Variants in ZFHX3 observed in about 807,000 individuals in gnomAD.
The protein encoded by ZFHX3 is zinc finger homeobox 3, also known as zinc finger homeobox protein 3.
Under a neutral mutation model 279.1 loss-of-function variants are expected in ZFHX3, and 42 were observed. That is an observed-to-expected ratio of 0.15 (90% confidence interval 0.12 to 0.19). The LOEUF (loss-of-function observed/expected upper bound fraction) is 0.19, where lower values mean the gene tolerates loss of function less well. Among genes scored for constraint, ZFHX3 ranks in the 10% least tolerant of loss-of-function variants. The pLI is 1.00. For synonymous variants in ZFHX3, 2,293 were observed against 1,957.8 expected, an observed-to-expected ratio of 1.17 and a Z score of -4.52; for missense variants, 4,981 against 4,754.0, an observed-to-expected ratio of 1.05 and a Z score of -1.40.
chr16:73,595,586 T>C (rs2052040271), intron 2 of ZFHX3, among the ~76,000 whole-genome samples: 2 of 152,222 alleles, frequency 1.3e-5, no homozygotes, highest in African/African-American at 2.4e-5. Context: ...ATTCACACTC[T>C]CTGGGTGTGA....
chr16:73,635,575 T>G (rs1477066928), intron 2 of ZFHX3, among the ~76,000 whole-genome samples: 1 of 152,096 alleles, frequency 6.6e-6, no homozygotes, highest in African/African-American at 2.4e-5. Flanking sequence ...AGAAAAATAT[T>G]TCCTCTTTTT....
intron 2 of ZFHX3, among the ~76,000 whole-genome samples, chr16:73,541,699 G>T (rs1049649166): frequency 6.6e-6 from 1 of 151,154 alleles, no homozygotes; most frequent in Non-Finnish European, 1.5e-5. Flanking sequence ...GAGGCGGCTC[G>T]CGAGGCAAAT....
intron 1 of ZFHX3, among the ~76,000 whole-genome samples, chr16:73,776,447 A>G (rs1959245976): frequency 6.6e-6 from 1 of 152,204 alleles, no homozygotes; most frequent in African/African-American, 2.4e-5. Flanking sequence ...CAGAAATCAA[A>G]TAATTTAGAT....
chr16:73,266,527 C>A (rs1487714922), intron 4 of ZFHX3, among the ~76,000 whole-genome samples: 2 of 152,130 alleles, frequency 1.3e-5, no homozygotes, highest in African/African-American at 4.8e-5. Context: ...TAATATTCAT[C>A]CACATGTCTC....
At chr16:73,511,436 A>G (rs573542340) in intron 2 of ZFHX3, among the ~76,000 whole-genome samples, 2 of 152,256 alleles carry the variant, frequency 1.3e-5, no homozygotes, top group South Asian at 4.1e-4. Context: ...CAGTCCTAAG[A>G]TCCTCACCTG....
chr16:73,557,347 G>A (rs932571720), intron 2 of ZFHX3, among the ~76,000 whole-genome samples: 8 of 152,006 alleles, frequency 5.3e-5, no homozygotes, highest in African/African-American at 1.4e-4. Context: ...AAACTAGTCC[G>A]GACCCAGACC....
intron 7 of ZFHX3, among the ~76,000 whole-genome samples, chr16:73,105,364 T>TACACACATATATATACACAC (rs1966284352): frequency 1.3e-5 from 1 of 76,906 alleles, no homozygotes. Flanking sequence ...CACATATATA[T>TACACACATATATATACACAC]ACACACATAT....
intron 1 of ZFHX3, among the ~76,000 whole-genome samples, chr16:72,985,618 T>TA (rs1424069621): frequency 7.9e-5 from 12 of 152,218 alleles, no homozygotes; most frequent in African/African-American, 2.9e-4. Flanking sequence ...ATTGTTTTAA[T>TA]ACACTGTCTC....
intron 1 of ZFHX3, among the ~76,000 whole-genome samples, chr16:73,810,336 G>A (rs1960393667): frequency 1.3e-5 from 2 of 151,902 alleles, no homozygotes; most frequent in African/African-American, 4.8e-5. Context: ...TCTCTTTCAG[G>A]GAAGATCAAA....
intron 1 of ZFHX3, among the ~76,000 whole-genome samples, chr16:73,036,665 G>T (rs768092330): frequency 6.6e-6 from 1 of 152,044 alleles, no homozygotes; most frequent in African/African-American, 2.4e-5. Context: ...GGGACTGGGT[G>T]TATCAGGGGA....
intron 1 of ZFHX3, among the ~76,000 whole-genome samples, chr16:73,731,200 A>G (rs1368171504): frequency 6.6e-6 from 1 of 152,228 alleles, no homozygotes; most frequent in Non-Finnish European, 1.5e-5. Flanking sequence ...CAGAAGGAAT[A>G]AAGAGAGAAA....
intron 1 of ZFHX3, among the ~76,000 whole-genome samples, chr16:73,002,622 T>G (rs1280757517): frequency 6.6e-6 from 1 of 152,210 alleles, no homozygotes; most frequent in Middle Eastern, 3.2e-3. Context: ...TGCAGATCAC[T>G]AAGACTTCCA....
At chr16:73,342,915 A>G (rs1255323877) in intron 3 of ZFHX3, among the ~76,000 whole-genome samples, 1 of 152,218 alleles carries the variant, frequency 6.6e-6, no homozygotes, top group African/African-American at 2.4e-5. Flanking sequence ...GAACTGGCCC[A>G]AGTGACCTTC....
chr16:73,039,346 G>A (rs1265558916), intron 1 of ZFHX3, among the ~76,000 whole-genome samples: 1 of 152,168 alleles, frequency 6.6e-6, no homozygotes, highest in South Asian at 2.1e-4. Context: ...CATACGCAGA[G>A]GCTGCTCAAC....
chr16:73,105,364 TACACAC>T (rs757763881), intron 7 of ZFHX3, among the ~76,000 whole-genome samples: 7 of 76,906 alleles, frequency 9.1e-5, no homozygotes, highest in African/African-American at 3.9e-4. Flanking sequence ...CACATATATA[TACACAC>T]ATATATATAT....
At chr16:73,831,296 C>T (rs887876513) in intron 1 of ZFHX3, among the ~76,000 whole-genome samples, 4 of 152,164 alleles carry the variant, frequency 2.6e-5, no homozygotes, top group African/African-American at 4.8e-5. Context: ...TACTAACGTC[C>T]GGAAGCAGCA....
chr16:73,242,967 A>G (rs1452092225), intron 5 of ZFHX3, among the ~76,000 whole-genome samples: 1 of 152,236 alleles, frequency 6.6e-6, no homozygotes, highest in Non-Finnish European at 1.5e-5. Flanking sequence ...AGGACGTGGC[A>G]ATAGCAAGAC....
In ZFHX3 at chr16:73,682,895, AAAG is replaced by A. The variant is rs1424254861; in HGVS notation, c.-1607-2658_-1607-2656del. Among the ~76,000 whole-genome samples, 66 of 24,436 alleles carry A rather than the reference AAAG, an allele frequency of 2.7e-3. 3 individuals are homozygous for A. The highest frequency in any genetic ancestry group is 0.029 in the Middle Eastern group (2 of 68). The allele number at this position is 24,436 out of a possible 152,430, so 16.0% of individuals were successfully genotyped here. A position where few individuals can be genotyped will look rare whatever the true frequency, so the allele number is the denominator to read the frequency against. ...GAAAGAAAGAAAGAAAGAAAGAAAG[AAAG>A]AAAGAAAGAGAAAGAAAGAGAGAAA... On this transcript the variant is annotated intron_variant, in intron 1 of 17. Transcript: ENST00000641206.
chr16:73,426,735 T>G (rs2017817522), intron 3 of ZFHX3, among the ~76,000 whole-genome samples: 1 of 152,200 alleles, frequency 6.6e-6, no homozygotes, highest in Non-Finnish European at 1.5e-5. Flanking sequence ...TTACATCTGT[T>G]TTTAATCACA....
Sources: allele counts gnomAD v4.1 joint callset (sites outside exome capture counted in the v4.1 genomes callset), GRCh38; gene constraint gnomAD v4.1.1; transcripts MANE v1.5; gene names NCBI Gene and HGNC (gene_info 2026-07-23, HGNC 2026-07-21).